Variants in OOEP observed in about 807,000 individuals in gnomAD.
OOEP encodes the protein oocyte-expressed protein homolog.
OOEP carries 16 observed loss-of-function variants against 13.7 expected under a neutral mutation model. The ratio of observed to expected loss-of-function variants is 1.16; its 90% CI spans 0.79 to 1.77. The LOEUF (loss-of-function observed/expected upper bound fraction) is 1.77. Ranked by LOEUF, OOEP falls within the 40% of genes most tolerant of loss-of-function variation. The pLI, the probability that OOEP is intolerant of heterozygous loss-of-function variation, is 0.00. For missense variants in OOEP, 195 were observed against 193.1 expected (o/e 1.01, Z -0.06); for synonymous variants, 89 against 77.1 (o/e 1.15, Z -0.81).
At chr6:73,386,618 ACT>A (rs1236797026) in intron 2 of OOEP, among the ~76,000 whole-genome samples, 3 of 152,106 alleles carry the variant, frequency 2.0e-5, no homozygotes, top group Non-Finnish European at 4.4e-5. Context: ...GGACTAGAAG[ACT>A]CAGAAGATGA....
At chr6:73,388,111 A>G (rs1467724290) in intron 2 of OOEP, among the ~76,000 whole-genome samples, 1 of 152,206 alleles carries the variant, frequency 6.6e-6, no homozygotes, top group African/African-American at 2.4e-5. Context: ...TCCTGATCTC[A>G]GGTGATCTGT....
rs1360511169 is a variant in OOEP at position 73,369,726 on chromosome 6, G to A, written c.67C>T (p.Gln23Ter). ...GGCGGAAGTGGTAACCTACGCAGCT[G>A]CTCCAGGGAGTGGGCCGGAGTCTGT... The part of the protein sequence containing the change: ...GKQTPAHSLE[Q>*]LRRLPLPPPQ... Residue 23 changes from glutamine to a stop codon, truncating the protein, a stop_gained, in exon 1 of 3, where the codon CAG (glutamine) becomes TAG (stop). Transcript: ENST00000370359. LOFTEE classifies it high-confidence loss of function. 1.2e-6 allele frequency: 2 copies of A among 1,614,046 alleles called. No homozygotes were observed. Among genetic ancestry groups the A allele is most frequent in the Admixed American group, 1.7e-5 (1 of 60,034 alleles).
intron 2 of OOEP, among the ~76,000 whole-genome samples, chr6:73,388,404 C>T (rs1008523059): frequency 1.3e-5 from 2 of 152,128 alleles, no homozygotes; most frequent in African/African-American, 4.8e-5. Context: ...TCAGAAGGAC[C>T]AAATTTATCT....
chr6:73,390,129 AG>A (rs1769327307), intron 2 of OOEP, among the ~76,000 whole-genome samples: 1 of 152,194 alleles, frequency 6.6e-6, no homozygotes, highest in Non-Finnish European at 1.5e-5. Flanking sequence ...TGCTGAGCCC[AG>A]ATCCCGCCAC....
chr6:73,381,226 A>G (rs865856394), intron 2 of OOEP, among the ~76,000 whole-genome samples: 1,346 of 105,256 alleles, frequency 0.013, 24 homozygotes, highest in African/African-American at 0.044. Flanking sequence ...AAAAAAAAAA[A>G]AAGAAGAAGA....
At chr6:73,382,845 T>G (rs1769227818) in intron 2 of OOEP, among the ~76,000 whole-genome samples, 1 of 142,722 alleles carries the variant, frequency 7.0e-6, no homozygotes, top group African/African-American at 2.6e-5. Flanking sequence ...CTCAGTGGTT[T>G]TTAACTTTTT....
chr6:73,368,624 T>C lies in OOEP; in HGVS notation c.*160A>G. ...TTTTGGCAAAATAGCCATTTCTTTA[T>C]TAGAATAGTTCAAACTCACTCTTGC... On this transcript the variant is annotated 3_prime_UTR_variant, in exon 3 of 3. Transcript: ENST00000370359. The C allele has an allele frequency of 1.7e-6, 1 of 583,704 alleles. No individual in the cohort carries two copies. The highest frequency in any genetic ancestry group is 3.0e-6 in the Non-Finnish European group (1 of 328,504). The allele number at this position is 583,704 out of a possible 1,614,324, so 36.2% of individuals were successfully genotyped here.
upstream of OOEP, among the ~76,000 whole-genome samples, chr6:73,370,341 T>C (rs1348179044): frequency 6.6e-6 from 1 of 152,244 alleles, no homozygotes; most frequent in African/African-American, 2.4e-5. Context: ...AAGTGTGTCA[T>C]GTTTTAAACA....
upstream of OOEP, chr6:73,373,259 G>A (rs1238937414): frequency 1.9e-6 from 3 of 1,609,696 alleles, no homozygotes; most frequent in East Asian, 4.5e-5. Context: ...CTTGTGAGAA[G>A]ACATGGCGAG....
At chr6:73,379,740 T>G (rs1582627082) in intron 2 of OOEP, among the ~76,000 whole-genome samples, 1 of 152,122 alleles carries the variant, frequency 6.6e-6, no homozygotes, top group Admixed American at 6.6e-5. Flanking sequence ...TATCTTTTTT[T>G]GTTTTTTAAT....
At chr6:73,394,617 G>A (rs575785933) in intron 1 of OOEP, 82 of 322,898 alleles carry the variant, frequency 2.5e-4, no homozygotes, top group African/African-American at 1.7e-3. Context: ...AATACACAGT[G>A]GGGGGGTGGG....
chr6:73,394,402 A>G (rs1199921675), exon 2 of OOEP: 1 of 714,102 alleles, frequency 1.4e-6, no homozygotes, highest in Non-Finnish European at 2.6e-6. Context: ...TAATCCCAGC[A>G]CTTTGGGAGG....
chr6:73,376,354 T>G (rs11759775), intron 2 of OOEP, among the ~76,000 whole-genome samples: 12,134 of 39,648 alleles, frequency 0.31, 675 homozygotes, highest in South Asian at 0.48. Flanking sequence ...GTTTTTTTTT[T>G]TTTTTTTTTT....
upstream of OOEP, chr6:73,369,925 G>C (rs886607904): frequency 1.9e-4 from 145 of 765,494 alleles, 1 homozygote; most frequent in South Asian, 2.3e-3. Context: ...CTCGCACCGC[G>C]TCGGGGTGAG....
At chr6:73,389,082 G>A (rs1435221580) in intron 2 of OOEP, among the ~76,000 whole-genome samples, 2 of 151,016 alleles carry the variant, frequency 1.3e-5, no homozygotes, top group Non-Finnish European at 2.9e-5. Flanking sequence ...ATCCAGGGGA[G>A]CTACGTCGAG....
intron 2 of OOEP, among the ~76,000 whole-genome samples, chr6:73,382,096 G>A (rs1270289255): frequency 1.3e-5 from 2 of 152,100 alleles, no homozygotes; most frequent in Admixed American, 1.3e-4. Context: ...CACTCAGGCT[G>A]CAGTGCAGTG....
chr6:73,368,799 C>A lies in OOEP; in HGVS notation c.435G>T (p.Gln145His). The A allele has an allele frequency of 1.2e-6, 2 of 1,611,718 alleles. No individual in the cohort carries two copies. Among genetic ancestry groups the A allele is most frequent in the Non-Finnish European group, 1.7e-6 (2 of 1,177,812 alleles). The change falls in exon 3 of 3, where the codon CAG becomes CAT. Residue 145 changes from glutamine to histidine, a missense_variant. Coordinates refer to ENST00000370359, the MANE Select transcript of OOEP (RefSeq NM_001080507.3). Reference sequence around the variant, plus strand: ...CTATGTTGTCTTAAGCAACAGGATCCTGGGGAGAGTGGGGGTCTGATGCAT... The same window carrying A: ...CTATGTTGTCTTAAGCAACAGGATCATGGGGAGAGTGGGGGTCTGATGCAT... ...KAHASDPHSP[Q>H]DPVA
In OOEP at chr6:73,394,258, T is replaced by C. The variant is rs1225188540; in HGVS notation, c.25+88A>G. 225 of 695,514 alleles carry C rather than the reference T, an allele frequency of 3.2e-4. 1 individual carries two copies. Among genetic ancestry groups the C allele is most frequent in the Non-Finnish European group, 1.9e-5 (7 of 375,858 alleles). The allele number at this position is 695,514 out of a possible 1,614,324, so 43.1% of individuals were successfully genotyped here. On this transcript the variant is annotated intron_variant, in intron 2 of 3. Coordinates refer to the OOEP transcript ENST00000370363. ...AAGCGTAAATGTATCAAAATGCAGC[T>C]TACATAGCGAGGATAAATGCTGTTT...
chr6:73,380,735 A>T (rs1363196368), intron 2 of OOEP, among the ~76,000 whole-genome samples: 1 of 152,212 alleles, frequency 6.6e-6, no homozygotes. Context: ...AGAGGACTTT[A>T]GAGATCTAGA....
Sources: gnomAD v4.1 joint callset for allele counts (sites outside exome capture counted in the v4.1 genomes callset) on GRCh38, gnomAD v4.1.1 for gene constraint, MANE v1.5 for transcripts, NCBI Gene and HGNC (gene_info 2026-07-23, HGNC 2026-07-21) for gene names.